The following NPSR1 variants were observed in gnomAD, a reference collection of about 807,000 sequenced individuals.
NPSR1 encodes neuropeptide S receptor 1, also known as neuropeptide S receptor.
In NPSR1, 48 loss-of-function variants were observed where a neutral mutation model predicts 46.9. The observed-to-expected ratio is 1.02, with a 90% confidence interval of 0.81 to 1.30. The LOEUF (loss-of-function observed/expected upper bound fraction) is 1.30. NPSR1 is among the 50% of genes most tolerant of loss of function. NPSR1 has a pLI of 0.00. For missense variants in NPSR1, 450 were observed against 449.5 expected (o/e 1.00, Z -0.01); for synonymous variants, 176 against 168.1 (o/e 1.05, Z -0.36).
At chr7:34,759,485 G>A (rs182315359) in intron 2 of NPSR1, among the ~76,000 whole-genome samples, 38 of 152,162 alleles carry the variant, frequency 2.5e-4, no homozygotes, top group Admixed American at 6.5e-4. Flanking sequence ...AATTTGGTGC[G>A]TGTTTCTGTT....
intron 4 of NPSR1, among the ~76,000 whole-genome samples, chr7:34,824,241 T>C (rs1789718845): frequency 6.6e-6 from 1 of 152,204 alleles, no homozygotes; most frequent in African/African-American, 2.4e-5. Flanking sequence ...ATAATCAATG[T>C]GTGTAACTTA....
intron 1 of NPSR1, among the ~76,000 whole-genome samples, chr7:34,676,631 G>C (rs965452119): frequency 2.0e-5 from 3 of 152,126 alleles, no homozygotes; most frequent in Admixed American, 6.5e-5. Flanking sequence ...CAGTGAAACA[G>C]GATTTAAATT....
At chr7:34,730,387 G>A (rs182718) in intron 2 of NPSR1, among the ~76,000 whole-genome samples, 35,530 of 151,976 alleles carry the variant, frequency 0.23, 4,781 homozygotes, top group African/African-American at 0.39. Context: ...TCTTCCCTCA[G>A]AGCCTGTTTC....
At chr7:34,810,822 C>A (rs145092108) in intron 3 of NPSR1, among the ~76,000 whole-genome samples, 2 of 152,172 alleles carry the variant, frequency 1.3e-5, no homozygotes. Context: ...TGTCACTCAT[C>A]ATGGCCAGCA....
At chr7:34,659,110 C>T (rs1249047923) in intron 1 of NPSR1, among the ~76,000 whole-genome samples, 1 of 152,164 alleles carries the variant, frequency 6.6e-6, no homozygotes, top group Non-Finnish European at 1.5e-5. Flanking sequence ...CAACAAATTA[C>T]CTCCTAGAAC....
chr7:34,699,077 A>G (rs1354499646), intron 2 of NPSR1, among the ~76,000 whole-genome samples: 1 of 152,198 alleles, frequency 6.6e-6, no homozygotes, highest in Non-Finnish European at 1.5e-5. Context: ...AAGACCATGA[A>G]TTGGTCATAT....
Position 34,659,119 on chromosome 7 carries a change from A to G in NPSR1, c.147+560A>G, listed in dbSNP as rs558667004. On this transcript the variant is annotated intron_variant, in intron 1 of 8. Transcript: ENST00000360581. ...CATTTGCAACAAATTACCTCCTAGAACAAATGAAGGACAGAGAGTTTGGTG... is the reference window on the plus strand; with the variant it reads ...CATTTGCAACAAATTACCTCCTAGAGCAAATGAAGGACAGAGAGTTTGGTG... Among the ~76,000 whole-genome samples, 6 of 152,356 alleles carry G rather than the reference A, an allele frequency of 3.9e-5. No homozygotes were observed. In the East Asian group the frequency reaches 1.2e-3, roughly 29 times the overall value.
chr7:34,822,632 T>A (rs1789613558), intron 4 of NPSR1, among the ~76,000 whole-genome samples: 1 of 152,162 alleles, frequency 6.6e-6, no homozygotes, highest in Non-Finnish European at 1.5e-5. Flanking sequence ...ATAACACATA[T>A]AAATCATACA....
chr7:34,788,827 C>T (rs1453800326), intron 3 of NPSR1, among the ~76,000 whole-genome samples: 1 of 152,046 alleles, frequency 6.6e-6, no homozygotes. Flanking sequence ...ACATATAGAA[C>T]ATTTCACCTA....
chr7:34,677,433 G>A (rs1271064055), intron 1 of NPSR1, among the ~76,000 whole-genome samples: 1 of 152,188 alleles, frequency 6.6e-6, no homozygotes, highest in Non-Finnish European at 1.5e-5. Context: ...AAAATGTAAC[G>A]TTGACTTCCA....
Position 34,711,058 on chromosome 7 carries a change from G to A in NPSR1, c.280+26374G>A, listed in dbSNP as rs1415159108. 3.6e-5 allele frequency: 12 copies of A among 335,738 alleles called. No individual in the cohort carries two copies. The East Asian group carries it at 9.1e-4, about 25-fold the overall frequency. The allele number at this position is 335,738 out of a possible 1,614,324, so 20.8% of individuals were successfully genotyped here. A position where few individuals can be genotyped will look rare whatever the true frequency, so the allele number is the denominator to read the frequency against. On this transcript the variant is annotated intron_variant, in intron 2 of 8. Transcript: ENST00000360581. ...TCAGGATCAGAGATATCAATGATGT[G>A]AGCCCAAAGGTCCAAAAGGTGTTGT...
At chr7:34,810,017 C>G (rs17199458) in intron 3 of NPSR1, among the ~76,000 whole-genome samples, 20,262 of 152,180 alleles carry the variant, frequency 0.13, 1,517 homozygotes, top group Non-Finnish European at 0.17. Flanking sequence ...AGAACCTCCT[C>G]CCTATGGTGG....
At chr7:34,729,234 G>A (rs948096009) in intron 2 of NPSR1, among the ~76,000 whole-genome samples, 2 of 152,080 alleles carry the variant, frequency 1.3e-5, no homozygotes, top group African/African-American at 4.8e-5. Context: ...GAGTGAAGAC[G>A]AGGGAAACCC....
chr7:34,668,475 A>G (rs1372631802), intron 1 of NPSR1, among the ~76,000 whole-genome samples: 2 of 152,264 alleles, frequency 1.3e-5, no homozygotes, highest in Admixed American at 1.3e-4. Flanking sequence ...AATAAAACTT[A>G]GAATAATGTA....
chr7:34,772,615 G>A (rs1289951576), intron 2 of NPSR1, among the ~76,000 whole-genome samples: 4 of 152,118 alleles, frequency 2.6e-5, no homozygotes, highest in East Asian at 1.9e-4. Context: ...CAGGATGTAT[G>A]TCTGCATGAC....
chr7:34,827,749 C>A, intron 5 of NPSR1, 147 bp downstream of exon 5: 1 of 636,490 alleles, frequency 1.6e-6, no homozygotes, highest in Non-Finnish European at 2.7e-6. Context: ...TTATGTGTAG[C>A]TACCATAGGC....
Position 34,723,743 on chromosome 7 carries a change from G to A in NPSR1, c.280+39059G>A, listed in dbSNP as rs576369228. Among the ~76,000 whole-genome samples the A allele has an allele frequency of 2.0e-5, 3 of 152,202 alleles. No homozygotes were observed. In the East Asian group the frequency reaches 5.8e-4, roughly 29 times the overall value. On this transcript the variant is annotated intron_variant, in intron 2 of 8. Transcript: ENST00000360581. ...GCTAGACTTGAACTCCTGTGCTCAA[G>A]CAATCCCTTCATCTCAGCCTCCGGA... is the stretch of plus-strand genomic sequence containing the variant.
intron 3 of NPSR1, 92 bp downstream of exon 3, chr7:34,778,657 C>T: frequency 3.8e-6 from 3 of 786,788 alleles, no homozygotes; most frequent in Non-Finnish European, 6.3e-6. Context: ...ACCTTGCATT[C>T]CTATGCATCA....
intron 3 of NPSR1, among the ~76,000 whole-genome samples, chr7:34,797,626 T>C (rs1189298232): frequency 1.3e-5 from 2 of 152,056 alleles, no homozygotes; most frequent in Non-Finnish European, 2.9e-5. Flanking sequence ...AAATAAAAGA[T>C]GAAAAATTTT....
Sources: gnomAD v4.1 joint callset for allele counts (sites outside exome capture counted in the v4.1 genomes callset) on GRCh38, gnomAD v4.1.1 for gene constraint, MANE v1.5 for transcripts, NCBI Gene and HGNC (gene_info 2026-07-23, HGNC 2026-07-21) for gene names.